The following OSBPL8 variants were observed in gnomAD, a reference collection of about 807,000 sequenced individuals.
OSBPL8 encodes the protein oxysterol binding protein like 8, also known as oxysterol-binding protein-related protein 8.
Under a neutral mutation model 125.5 loss-of-function variants are expected in OSBPL8, and 59 were observed. That is an observed-to-expected ratio of 0.47 (90% confidence interval 0.38 to 0.58). The LOEUF is 0.58. Ranked by LOEUF, OSBPL8 falls within the 20% of genes least tolerant of loss-of-function variation. The pLI, the probability that OSBPL8 is intolerant of heterozygous loss-of-function variation, is 0.00. For missense variants in OSBPL8, 758 were observed against 1,047.8 expected, an observed-to-expected ratio of 0.72 and a Z score of 3.82; for synonymous variants, 330 against 338.9, an observed-to-expected ratio of 0.97 and a Z score of 0.29.
At chr12:76,373,285 ATT>A in intron 18 of OSBPL8, 57 bp downstream of exon 18, 4 of 921,460 alleles carry the variant, frequency 4.3e-6, no homozygotes, top group Non-Finnish European at 1.6e-6. Flanking sequence ...TTTAAATGTG[ATT>A]TTTTTTTTCC....
chr12:76,360,288 A>G (rs1209338864), intron 21 of OSBPL8, among the ~76,000 whole-genome samples: 1 of 152,194 alleles, frequency 6.6e-6, no homozygotes, highest in Non-Finnish European at 1.5e-5. Flanking sequence ...GTCAAATTTT[A>G]AAGCTCCAAA....
At chr12:76,532,864 C>T (rs1157611509) in intron 1 of OSBPL8, among the ~76,000 whole-genome samples, 1 of 152,176 alleles carries the variant, frequency 6.6e-6, no homozygotes, top group Non-Finnish European at 1.5e-5. Flanking sequence ...TTGCTTTCTG[C>T]TCTCTAGATC....
chr12:76,403,918 C>A (rs998630737), intron 5 of OSBPL8, among the ~76,000 whole-genome samples: 1 of 152,056 alleles, frequency 6.6e-6, no homozygotes, highest in Admixed American at 6.6e-5. Flanking sequence ...AAATATCTAA[C>A]GAATTAATAA....
At chr12:76,500,055 T>C (rs1057268177) in intron 1 of OSBPL8, among the ~76,000 whole-genome samples, 1 of 152,216 alleles carries the variant, frequency 6.6e-6, no homozygotes, top group Non-Finnish European at 1.5e-5. Context: ...ACATATTATA[T>C]CAGTTTTATA....
At chr12:76,360,666 A>G (rs757930596) in intron 21 of OSBPL8, among the ~76,000 whole-genome samples, 42 of 152,216 alleles carry the variant, frequency 2.8e-4, no homozygotes, top group Non-Finnish European at 5.0e-4. Context: ...CTGGGTATCC[A>G]GGCGTTTCCA....
In OSBPL8 at chr12:76,390,421, T is replaced by C. The variant is rs1328614019; in HGVS notation, c.1166A>G (p.Glu389Gly). Residue 389 changes from glutamate to glycine, a missense_variant and splice_region_variant, in exon 11 of 24, where the codon GAG becomes GGG. Glu to Gly is a moderately conservative substitution (Grantham distance 98). Transcript: ENST00000261183. Reference sequence around the variant, plus strand: ...CCTCTAAAAATAGCAGACTTTTACCTCTCCAAGTTCTTCATGGCTCTGTTC... The same window carrying C: ...CCTCTAAAAATAGCAGACTTTTACCCCTCCAAGTTCTTCATGGCTCTGTTC... The part of the protein sequence containing the change: ...YTEQSHEELG[E>G]AGEASQTETV... 1 of 1,595,932 alleles carries C rather than the reference T, an allele frequency of 6.3e-7. No homozygotes were observed. Among genetic ancestry groups the C allele is most frequent in the South Asian group, 1.1e-5 (1 of 87,776 alleles).
intron 1 of OSBPL8, among the ~76,000 whole-genome samples, chr12:76,499,327 TATCTATCTATCTATCTATCTATC>T (rs1287724793): frequency 1.7e-5 from 2 of 114,306 alleles, no homozygotes; most frequent in Non-Finnish European, 3.9e-5. Flanking sequence ...TCTATCTATC[TATCTATCTATCTATCTATCTATC>T]ATCTATCTAT....
At chr12:76,529,393 A>AGAAG (rs1180129422) in intron 1 of OSBPL8, among the ~76,000 whole-genome samples, 2 of 152,210 alleles carry the variant, frequency 1.3e-5, no homozygotes, top group African/African-American at 4.8e-5. Flanking sequence ...ATCAAAGCTT[A>AGAAG]GAAGGTATGT....
At chr12:76,432,822 T>C (rs1871003034) in intron 4 of OSBPL8, among the ~76,000 whole-genome samples, 1 of 152,038 alleles carries the variant, frequency 6.6e-6, no homozygotes, top group African/African-American at 2.4e-5. Context: ...AAAATAGATA[T>C]TACAACTATG....
chr12:76,379,799 G>A (rs1480956831), intron 15 of OSBPL8, among the ~76,000 whole-genome samples: 1 of 152,130 alleles, frequency 6.6e-6, no homozygotes. Context: ...TATGAATAAT[G>A]TTGTGTATAC....
chr12:76,449,351 A>T (rs1873100886), intron 4 of OSBPL8, among the ~76,000 whole-genome samples: 1 of 152,218 alleles, frequency 6.6e-6, no homozygotes, highest in South Asian at 2.1e-4. Flanking sequence ...AAACTTATCA[A>T]TTATGAATTA....
chr12:76,469,879 A>C (rs1248023365), intron 2 of OSBPL8, among the ~76,000 whole-genome samples: 1 of 152,160 alleles, frequency 6.6e-6, no homozygotes, highest in African/African-American at 2.4e-5. Flanking sequence ...ACACTCAGCA[A>C]ATACTGAATG....
In OSBPL8 at chr12:76,535,349, GA is replaced by G. The variant is rs373389930; in HGVS notation, c.-68+24047del. Among the ~76,000 whole-genome samples the G allele has an allele frequency of 5.7e-4, 87 of 151,958 alleles. 2 individuals carry two copies. The highest frequency in any genetic ancestry group is 2.1e-3 in the African/African-American group (86 of 41,462). ...AAATACAAATGGCTAATAAATCCAAGAAAAGATGCTTACTACCACAGTCATC... is the reference window on the plus strand; with the variant it reads ...AAATACAAATGGCTAATAAATCCAAGAAAGATGCTTACTACCACAGTCATC... On this transcript the variant is annotated intron_variant, in intron 1 of 23. Transcript: ENST00000261183.
At chr12:76,556,739 T>C (rs1431443712) in intron 1 of OSBPL8, among the ~76,000 whole-genome samples, 1 of 152,188 alleles carries the variant, frequency 6.6e-6, no homozygotes, top group African/African-American at 2.4e-5. Context: ...TCTTGGCTCG[T>C]TGCAATCTCT....
At chr12:76,421,611 C>G in intron 4 of OSBPL8, among the ~76,000 whole-genome samples, 1 of 151,950 alleles carries the variant, frequency 6.6e-6, no homozygotes, top group Admixed American at 6.6e-5. Flanking sequence ...TTTAATTCAA[C>G]AAAATCTAAG....
At chr12:76,449,756 G>A (rs1873156499) in intron 4 of OSBPL8, among the ~76,000 whole-genome samples, 1 of 152,136 alleles carries the variant, frequency 6.6e-6, no homozygotes, top group African/African-American at 2.4e-5. Flanking sequence ...ATAATTCAGT[G>A]AGCAAATATT....
intron 1 of OSBPL8, among the ~76,000 whole-genome samples, chr12:76,545,098 C>G (rs1359870286): frequency 6.6e-6 from 1 of 152,118 alleles, no homozygotes; most frequent in Non-Finnish European, 1.5e-5. Context: ...CATCTGTTCT[C>G]TAAATCAGTC....
intron 4 of OSBPL8, among the ~76,000 whole-genome samples, chr12:76,447,931 T>A (rs142406115): frequency 1.4e-4 from 22 of 152,306 alleles, no homozygotes; most frequent in African/African-American, 5.3e-4. Context: ...CGTAATGACA[T>A]AACCAAATAA....
chr12:76,495,246 T>C (rs1161565459), intron 1 of OSBPL8, among the ~76,000 whole-genome samples: 1 of 152,240 alleles, frequency 6.6e-6, no homozygotes, highest in East Asian at 1.9e-4. Context: ...CCAGTTCCTG[T>C]AAGCTGTATG....
Sources: allele counts gnomAD v4.1 joint callset (sites outside exome capture counted in the v4.1 genomes callset), GRCh38; gene constraint gnomAD v4.1.1; transcripts MANE v1.5; gene names NCBI Gene and HGNC (gene_info 2026-07-23, HGNC 2026-07-21).